Variants in DLG2 observed in about 807,000 individuals in gnomAD.
DLG2 encodes discs large MAGUK scaffold protein 2.
Under a neutral mutation model 132.5 loss-of-function variants are expected in DLG2, and 45 were observed. The ratio of observed to expected loss-of-function variants is 0.34; its 90% CI spans 0.27 to 0.44. The LOEUF is 0.44. Ranked by LOEUF, DLG2 falls within the 20% of genes least tolerant of loss-of-function variation. DLG2 has a pLI of 1.00. For synonymous variants in DLG2, 424 were observed against 419.6 expected (o/e 1.01, Z -0.13); for missense variants, 1,045 against 1,196.9 (o/e 0.87, Z 1.87).
intron 7 of DLG2, among the ~76,000 whole-genome samples, chr11:84,275,538 G>A (rs1391577576): frequency 6.6e-6 from 1 of 152,166 alleles, no homozygotes; most frequent in Non-Finnish European, 1.5e-5. Flanking sequence ...TGTATTTTTA[G>A]TAGAGATGGT....
rs1354487468 is a variant in DLG2, at chr11:84,955,563, C to G, written c.357+156098G>C. 5.3e-5 allele frequency: 8 copies of G among 152,150 alleles called. 1 individual carries two copies. The highest frequency in any genetic ancestry group is 3.3e-4 in the Admixed American group (5 of 15,268). 9.4% of individuals were successfully genotyped at this position (152,150 alleles called of 1,614,324 possible). On this transcript the variant is annotated intron_variant, in intron 6 of 27. Coordinates refer to ENST00000376104, the MANE Select transcript of DLG2 (RefSeq NM_001142699.3). ...AAAGTTGTTCAGGGAATAAAACACT[C>G]AGAGAACTCTTATTAATATGTTTAA...
Position 84,456,988 on chromosome 11 carries a change from G to A in DLG2, c.519+77582C>T, listed in dbSNP as rs191725872. On this transcript the variant is annotated intron_variant, in intron 7 of 27. Transcript: ENST00000376104. Reference sequence around the variant, plus strand: ...AATTATTGTTTTTAGTTTAAGGTTAGCCAAGAGTTATGCTAATAAGCCATA... The same window carrying A: ...AATTATTGTTTTTAGTTTAAGGTTAACCAAGAGTTATGCTAATAAGCCATA... 1.2e-3 allele frequency among the ~76,000 whole-genome samples: 186 copies of A among 151,264 alleles called. 1 individual carries two copies. The highest frequency in any genetic ancestry group is 2.0e-3 in the Non-Finnish European group (132 of 67,402).
Position 85,161,997 on chromosome 11 carries a change from C to T in DLG2, c.187-7346G>A, listed in dbSNP as rs920028724. 6.6e-5 allele frequency among the ~76,000 whole-genome samples: 10 copies of T among 152,294 alleles called. 1 individual carries two copies. The South Asian group carries it at 1.0e-3, about 16-fold the overall frequency. ...TTTTGCCCCTGTTCCTGCAACATTA[C>T]GTTCTGCTGGCCTAGAGGTCTTAGT... On this transcript the variant is annotated intron_variant, in intron 4 of 27. Coordinates refer to ENST00000376104, the MANE Select transcript of DLG2 (RefSeq NM_001142699.3).
intron 4 of DLG2, among the ~76,000 whole-genome samples, chr11:85,158,217 G>C (rs757557790): frequency 6.6e-6 from 1 of 152,108 alleles, no homozygotes; most frequent in African/African-American, 2.4e-5. Context: ...AAGGGTGTGC[G>C]ATAATGGTGG....
intron 6 of DLG2, among the ~76,000 whole-genome samples, chr11:84,545,940 G>C (rs370027718): frequency 1.3e-5 from 2 of 151,988 alleles, no homozygotes. Flanking sequence ...ATTTTTAGTA[G>C]AGATGGGGTT....
intron 3 of DLG2, among the ~76,000 whole-genome samples, chr11:85,588,365 A>G (rs916415535): frequency 1.3e-5 from 2 of 152,102 alleles, no homozygotes; most frequent in African/African-American, 4.8e-5. Context: ...AATTTCTTGG[A>G]GGCTTTGTTC....
chr11:84,925,684 G>A (rs1414928341), intron 6 of DLG2, among the ~76,000 whole-genome samples: 3 of 152,092 alleles, frequency 2.0e-5, no homozygotes, highest in Non-Finnish European at 4.4e-5. Context: ...ATTTTTGTAG[G>A]CAATAGAGTA....
intron 3 of DLG2, among the ~76,000 whole-genome samples, chr11:85,572,441 G>C (rs570061326): frequency 6.6e-6 from 1 of 152,180 alleles, no homozygotes; most frequent in South Asian, 2.1e-4. Flanking sequence ...CACAAAATTT[G>C]CTTTCTGGGA....
At chr11:84,000,885 C>T (rs964605155) in intron 11 of DLG2, among the ~76,000 whole-genome samples, 14 of 152,008 alleles carry the variant, frequency 9.2e-5, no homozygotes, top group Non-Finnish European at 1.9e-4. Context: ...AGGAAAAGGA[C>T]ACATCTGCCA....
chr11:84,804,088 TG>T (rs1426488385), intron 6 of DLG2, among the ~76,000 whole-genome samples: 1 of 152,212 alleles, frequency 6.6e-6, no homozygotes, highest in Non-Finnish European at 1.5e-5. Flanking sequence ...TTAAGAATGA[TG>T]GATACAGTGG....
intron 7 of DLG2, among the ~76,000 whole-genome samples, chr11:84,306,255 A>G (rs1045828329): frequency 3.3e-5 from 5 of 152,164 alleles, no homozygotes; most frequent in Admixed American, 6.5e-5. Flanking sequence ...GGCCCCATAA[A>G]TATATAAATT....
At chr11:83,646,140 C>G (rs1032045897) in intron 18 of DLG2, among the ~76,000 whole-genome samples, 5 of 152,102 alleles carry the variant, frequency 3.3e-5, no homozygotes, top group Non-Finnish European at 2.9e-5. Flanking sequence ...ATAGCAGAAA[C>G]AGCAGGTTTC....
chr11:84,271,293 G>T (rs1344902817), intron 7 of DLG2, among the ~76,000 whole-genome samples: 1 of 152,116 alleles, frequency 6.6e-6, no homozygotes, highest in Non-Finnish European at 1.5e-5. Flanking sequence ...AAACCTGAAT[G>T]ATAATTTGGG....
chr11:84,588,302 AACT>A (rs951100769), intron 6 of DLG2, among the ~76,000 whole-genome samples: 2 of 152,034 alleles, frequency 1.3e-5, no homozygotes, highest in African/African-American at 4.8e-5. Context: ...ATCTTCCAAA[AACT>A]ACTCACACAT....
At chr11:83,872,606 T>C (rs17146282) in intron 16 of DLG2, among the ~76,000 whole-genome samples, 2,059 of 152,280 alleles carry the variant, frequency 0.014, 49 homozygotes, top group African/African-American at 0.046. Context: ...GGTGATTATG[T>C]CAACTACAGA....
At position 84,369,336 on chromosome 11, in the gene DLG2, A is replaced by G. The variant is rs74428765; in HGVS notation, c.520-118045T>C. 2.9e-3 allele frequency among the ~76,000 whole-genome samples: 442 copies of G among 152,278 alleles called. 15 individuals are homozygous for G. In the East Asian group the frequency reaches 0.067, roughly 23 times the overall value. ...CTACTCTGTCTCTTCAAAAAAAAGTATAAGTTCCTGTAAGTTATTCATGAC... is the reference window on the plus strand; with the variant it reads ...CTACTCTGTCTCTTCAAAAAAAAGTGTAAGTTCCTGTAAGTTATTCATGAC... On this transcript the variant is annotated intron_variant, in intron 7 of 27. Transcript: ENST00000376104.
intron 3 of DLG2, among the ~76,000 whole-genome samples, chr11:85,328,629 A>G (rs2081532411): frequency 1.5e-5 from 2 of 137,000 alleles, no homozygotes. Flanking sequence ...GTATTTCAAA[A>G]TAATAAGAGC....
At chr11:84,616,982 T>C (rs542576341) in intron 6 of DLG2, among the ~76,000 whole-genome samples, 49 of 148,584 alleles carry the variant, frequency 3.3e-4, no homozygotes, top group African/African-American at 1.2e-3. Context: ...CTCTTCCCTT[T>C]CTTTTTTTTT....
intron 7 of DLG2, among the ~76,000 whole-genome samples, chr11:84,411,769 G>C (rs1305607443): frequency 6.6e-6 from 1 of 152,148 alleles, no homozygotes; most frequent in Non-Finnish European, 1.5e-5. Flanking sequence ...TGCATTTCAA[G>C]TATCATTATC....
Sources: allele counts gnomAD v4.1 joint callset (sites outside exome capture counted in the v4.1 genomes callset), GRCh38; gene constraint gnomAD v4.1.1; transcripts MANE v1.5; gene names NCBI Gene and HGNC (gene_info 2026-07-23, HGNC 2026-07-21).